The following GRB14 variants were observed in gnomAD, a reference collection of about 807,000 sequenced individuals.
The protein encoded by GRB14 is growth factor receptor-bound protein 14.
A neutral mutation model predicts 69.1 loss-of-function variants in GRB14; 38 were observed. That is an observed-to-expected ratio of 0.55 (90% CI 0.42 to 0.72). The LOEUF (loss-of-function observed/expected upper bound fraction) is 0.72. Ranked by LOEUF, GRB14 falls within the 30% of genes least tolerant of loss-of-function variation. The probability of loss-of-function intolerance (pLI) is 0.00; values close to 1 mark genes in which losing one functional copy is unlikely to be tolerated. For synonymous variants in GRB14, 247 were observed against 241.3 expected, an observed-to-expected ratio of 1.02 and a Z score of -0.22; for missense variants, 666 against 666.1, an observed-to-expected ratio of 1.00 and a Z score of 0.00.
At chr2:164,580,385 G>A (rs1044254041) in intron 2 of GRB14, among the ~76,000 whole-genome samples, 3 of 148,542 alleles carry the variant, frequency 2.0e-5, no homozygotes, top group Non-Finnish European at 4.5e-5. Flanking sequence ...GAGCCACCAT[G>A]CCCAGCCTTA....
intron 2 of GRB14, among the ~76,000 whole-genome samples, chr2:164,575,136 T>C (rs1230832485): frequency 6.6e-6 from 1 of 152,174 alleles, no homozygotes; most frequent in African/African-American, 2.4e-5. Context: ...TGGACACCAC[T>C]GCCCTCTAGA....
At chr2:164,501,635 T>C (rs1232972606) in intron 9 of GRB14, among the ~76,000 whole-genome samples, 1 of 152,134 alleles carries the variant, frequency 6.6e-6, no homozygotes, top group Non-Finnish European at 1.5e-5. Context: ...AGTATAAGTC[T>C]GAAAAGCAGT....
intron 2 of GRB14, among the ~76,000 whole-genome samples, chr2:164,611,853 T>C (rs1690174150): frequency 6.6e-6 from 1 of 152,076 alleles, no homozygotes; most frequent in Non-Finnish European, 1.5e-5. Context: ...TATATGGGAA[T>C]ACCTGAACAG....
rs112468911 is a variant in GRB14, at chr2:164,546,204, G to A, written c.481+1456C>T. ...CCCATAGATCTTTAAATGAAGAGGG[G>A]TGGGTAAATTATAAAAATTTCTAGG... On this transcript the variant is annotated intron_variant, in intron 3 of 13. Coordinates refer to ENST00000263915, the MANE Select transcript of GRB14 (RefSeq NM_004490.3). 1.2e-3 allele frequency among the ~76,000 whole-genome samples: 177 copies of A among 152,232 alleles called. 1 individual carries two copies. Among genetic ancestry groups the A allele is most frequent in the African/African-American group, 4.2e-3 (173 of 41,550 alleles).
At chr2:164,586,183 A>G (rs554939075) in intron 2 of GRB14, among the ~76,000 whole-genome samples, 1 of 152,342 alleles carries the variant, frequency 6.6e-6, no homozygotes, top group East Asian at 1.9e-4. Context: ...GAAGGAATCC[A>G]AGGAAAGAGC....
At chr2:164,600,220 T>C (rs550057891) in intron 2 of GRB14, among the ~76,000 whole-genome samples, 215 of 152,292 alleles carry the variant, frequency 1.4e-3, no homozygotes, top group Non-Finnish European at 2.4e-3. Context: ...TTAGGAGTCA[T>C]AGAGAAAGGG....
intron 3 of GRB14, among the ~76,000 whole-genome samples, chr2:164,536,578 G>A (rs1340889498): frequency 6.6e-6 from 1 of 152,004 alleles, no homozygotes; most frequent in East Asian, 1.9e-4. Flanking sequence ...TGCTCTATAT[G>A]AGTGTATGTG....
intron 2 of GRB14, among the ~76,000 whole-genome samples, chr2:164,555,759 T>C (rs1688663895): frequency 6.6e-6 from 1 of 151,304 alleles, no homozygotes; most frequent in Non-Finnish European, 1.5e-5. Context: ...ATTATATATG[T>C]ATAGTTAACA....
chr2:164,572,118 A>G (rs777919741), intron 2 of GRB14, among the ~76,000 whole-genome samples: 3 of 152,226 alleles, frequency 2.0e-5, no homozygotes, highest in Non-Finnish European at 4.4e-5. Flanking sequence ...ATCAGTTATT[A>G]TAGTATACAA....
At chr2:164,512,502 C>T (rs770446055) in intron 6 of GRB14, among the ~76,000 whole-genome samples, 2 of 152,290 alleles carry the variant, frequency 1.3e-5, no homozygotes, top group African/African-American at 2.4e-5. Flanking sequence ...CCCTGGCTCC[C>T]AGATGGCATC....
intron 2 of GRB14, among the ~76,000 whole-genome samples, chr2:164,578,522 G>GCGCGCA (rs113742280): frequency 2.1e-5 from 3 of 145,588 alleles, no homozygotes; most frequent in African/African-American, 7.6e-5. Context: ...CAATTCGCGC[G>GCGCGCA]CACACACACA....
chr2:164,613,281 T>C (rs530291473), intron 2 of GRB14, among the ~76,000 whole-genome samples: 112 of 152,268 alleles, frequency 7.4e-4, no homozygotes, highest in African/African-American at 2.6e-3. Flanking sequence ...ATCTTTTTTT[T>C]CCCCTAGGAC....
chr2:164,532,976 G>C (rs977415171), intron 3 of GRB14, among the ~76,000 whole-genome samples: 4 of 152,062 alleles, frequency 2.6e-5, no homozygotes, highest in Non-Finnish European at 2.9e-5. Context: ...ATGGTAATTG[G>C]ATGGTGTAGG....
chr2:164,546,765 CAG>C (rs1303165338), intron 3 of GRB14, among the ~76,000 whole-genome samples: 1 of 152,116 alleles, frequency 6.6e-6, no homozygotes, highest in African/African-American at 2.4e-5. Flanking sequence ...TGAGGACAGG[CAG>C]AGACATAAAA....
At chr2:164,551,676 G>A (rs1393897864) in intron 2 of GRB14, among the ~76,000 whole-genome samples, 1 of 152,040 alleles carries the variant, frequency 6.6e-6, no homozygotes, top group Non-Finnish European at 1.5e-5. Context: ...TGCTTTCTCT[G>A]GCAAACTTCC....
chr2:164,576,314 T>C (rs1015080032), intron 2 of GRB14, among the ~76,000 whole-genome samples: 6 of 151,720 alleles, frequency 4.0e-5, no homozygotes, highest in Admixed American at 2.6e-4. Context: ...ATATAAAATA[T>C]ATAAATAGGG....
At chr2:164,551,426 AC>A (rs1410011012) in intron 2 of GRB14, among the ~76,000 whole-genome samples, 2 of 152,158 alleles carry the variant, frequency 1.3e-5, no homozygotes, top group Non-Finnish European at 2.9e-5. Context: ...GAATGTTTGT[AC>A]CCTCCAAAAT....
chr2:164,510,384 C>T (rs1323462139), intron 6 of GRB14, among the ~76,000 whole-genome samples: 1 of 152,148 alleles, frequency 6.6e-6, no homozygotes, highest in African/African-American at 2.4e-5. Flanking sequence ...TACATTTGTA[C>T]ATTTCCCCAT....
At chr2:164,605,898 C>T (rs987827384) in intron 2 of GRB14, among the ~76,000 whole-genome samples, 2 of 152,034 alleles carry the variant, frequency 1.3e-5, no homozygotes, top group Non-Finnish European at 2.9e-5. Context: ...GAGCCACTTC[C>T]CACAGAAATG....
Sources: gnomAD v4.1 joint callset for allele counts (sites outside exome capture counted in the v4.1 genomes callset) on GRCh38, gnomAD v4.1.1 for gene constraint, MANE v1.5 for transcripts, NCBI Gene and HGNC (gene_info 2026-07-23, HGNC 2026-07-21) for gene names.